MAP3K14: variants seen among roughly 807,000 people sequenced by gnomAD.
MAP3K14 encodes the protein NF-kappa-beta-inducing kinase.
Under a neutral mutation model 99.2 loss-of-function variants are expected in MAP3K14, and 16 were observed. That is an observed-to-expected ratio of 0.16 (90% CI 0.11 to 0.24). The LOEUF (loss-of-function observed/expected upper bound fraction) is 0.24, where lower values mean the gene tolerates loss of function less well. MAP3K14 is among the 10% of genes least tolerant of loss of function. The pLI, the probability that MAP3K14 is intolerant of heterozygous loss-of-function variation, is 1.00. For synonymous variants in MAP3K14, 462 were observed against 492.4 expected (o/e 0.94, Z 0.82); for missense variants, 784 against 1,208.7 (o/e 0.65, Z 5.21).
chr17:45,298,122 T>G (rs752425787), intron 1 of MAP3K14, among the ~76,000 whole-genome samples: 1 of 152,210 alleles, frequency 6.6e-6, no homozygotes, highest in Non-Finnish European at 1.5e-5. Flanking sequence ...CTTGCCTTTT[T>G]GGGGACTTTA....
In MAP3K14 at chr17:45,290,505, T is replaced by C. The variant is rs758311803; in HGVS notation, c.241A>G (p.Ile81Val). The C allele has an allele frequency of 6.2e-7, 1 of 1,613,886 alleles. No homozygotes were observed. Among genetic ancestry groups the C allele is most frequent in the Non-Finnish European group, 8.5e-7 (1 of 1,179,876 alleles). Residue 81 changes from isoleucine (I) to valine (V), a missense_variant, in exon 2 of 16, where the codon ATC (isoleucine) becomes GTC (valine). Transcript: ENST00000344686. Reference sequence around the variant, plus strand: ...AGGCCCCTACACTCAGCCTGGGCGATGATAGAGATGGCAGCTGGCCCTGCC... The same window carrying C: ...AGGCCCCTACACTCAGCCTGGGCGACGATAGAGATGGCAGCTGGCCCTGCC... ...SEAGPAAISI[I>V]AQAECENSQE...
chr17:45,275,760 C>CT (rs369154222), intron 6 of MAP3K14, among the ~76,000 whole-genome samples: 882 of 123,496 alleles, frequency 7.1e-3, no homozygotes, highest in Non-Finnish European at 9.8e-3. Flanking sequence ...CTTTTCTTTT[C>CT]TTTTTTTTTT....
chr17:45,280,062 A>G (rs1480423153), intron 6 of MAP3K14, among the ~76,000 whole-genome samples: 2 of 152,150 alleles, frequency 1.3e-5, no homozygotes, highest in Non-Finnish European at 2.9e-5. Flanking sequence ...GCCCCTGCAC[A>G]TTGTCTGGCA....
At position 45,286,264 on chromosome 17, in the gene MAP3K14, G is replaced by C. The variant is rs146679942; in HGVS notation, c.1152+167C>G. On this transcript the variant is annotated intron_variant, in intron 5 of 15. Coordinates refer to ENST00000344686, the MANE Select transcript of MAP3K14 (RefSeq NM_003954.5). The surrounding 1 kb of genome is among the most constrained non-coding windows in gnomAD (Gnocchi z 4.1). ...CAGAACAGAAGACGCTAAAAAGGCTGTGAGAAGTGAGATTGGCGGAATAAG... is the reference window on the plus strand; with the variant it reads ...CAGAACAGAAGACGCTAAAAAGGCTCTGAGAAGTGAGATTGGCGGAATAAG... Among the ~76,000 whole-genome samples, 2 of 152,286 alleles carry C rather than the reference G, an allele frequency of 1.3e-5. No homozygotes were observed. Among genetic ancestry groups the C allele is most frequent in the African/African-American group, 4.8e-5 (2 of 41,570 alleles).
chr17:45,316,905 C>CA (rs1234966956), intron 1 of MAP3K14, 55 bp downstream of exon 1: 2 of 152,112 alleles, frequency 1.3e-5, no homozygotes, highest in African/African-American at 4.8e-5. Flanking sequence ...CGATCCATCC[C>CA]AGCCGCTCCC....
intron 6 of MAP3K14, among the ~76,000 whole-genome samples, chr17:45,278,618 G>T (rs1010508650): frequency 6.6e-6 from 1 of 152,000 alleles, no homozygotes; most frequent in Non-Finnish European, 1.5e-5. Flanking sequence ...GCTTTTACTC[G>T]GGCAAGCCTG....
At chr17:45,271,323 C>A in intron 9 of MAP3K14, 102 bp from the exon 10 acceptor site, 1 of 987,456 alleles carries the variant, frequency 1.0e-6, no homozygotes, top group Non-Finnish European at 1.5e-6. Flanking sequence ...ACATTTGTCA[C>A]TGTTAAAGTA....
At position 45,267,588 on chromosome 17, in the gene MAP3K14, G is replaced by C. The variant is rs1246398259; in HGVS notation, c.2144C>G (p.Pro715Arg). 7.4e-6 allele frequency: 12 copies of C among 1,613,088 alleles called. No individual in the cohort carries two copies. The highest frequency in any genetic ancestry group is 1.0e-5 in the Non-Finnish European group (12 of 1,179,652). Residue 715 changes from proline (P) to arginine (R), a missense_variant, in exon 12 of 16, where the codon CCT becomes CGT. Physicochemically the swap from Pro to Arg is moderately radical, Grantham distance 103. Around this residue, in one of 5 missense-constraint regions of MAP3K14, gnomAD observed 128 missense variants for 143.3 expected, o/e 0.89. Coordinates refer to ENST00000344686, the MANE Select transcript of MAP3K14 (RefSeq NM_003954.5). The surrounding 1 kb of genome is among the most constrained non-coding windows in gnomAD (Gnocchi z 5.1). ...CTCTGGGGGCTCTGGTGGGAGAGGA[G>C]GCTGGAGCTTAGGGGCTCTGCCTGT... ...ETTGRAPKLQ[P>R]PLPPEPPEPN...
chr17:45,297,432 G>C (rs1172172650), intron 1 of MAP3K14, among the ~76,000 whole-genome samples: 1 of 152,204 alleles, frequency 6.6e-6, no homozygotes, highest in Non-Finnish European at 1.5e-5. Context: ...TTTTAGTTCA[G>C]TTACGCCACT....
chr17:45,274,067 G>A, intron 8 of MAP3K14, 56 bp downstream of exon 8: 3 of 1,586,538 alleles, frequency 1.9e-6, no homozygotes, highest in Non-Finnish European at 2.6e-6. Flanking sequence ...AGATCAGACA[G>A]GATGGTGTGA....
chr17:45,270,784 C>T, intron 10 of MAP3K14: 1 of 764,460 alleles, frequency 1.3e-6, no homozygotes, highest in Non-Finnish European at 2.1e-6. Context: ...ACGCCCACAG[C>T]CTCCAGGCCC....
chr17:45,290,629 G>C lies in MAP3K14; in HGVS notation c.117C>G (p.Val39=). The C allele has an allele frequency of 1.9e-6, 3 of 1,613,676 alleles. No individual in the cohort carries two copies. The highest frequency in any genetic ancestry group is 2.5e-6 in the Non-Finnish European group (3 of 1,179,860). The change falls in exon 2 of 16, where the codon GTC becomes GTG. Residue 39 remains valine, a synonymous_variant. Transcript: ENST00000344686. ...TCTTCTCCACGGCCTCAAGCTTGTAGACGGAGCTCTGTTTCTTCCCCAGTG... is the reference window on the plus strand; with the variant it reads ...TCTTCTCCACGGCCTCAAGCTTGTACACGGAGCTCTGTTTCTTCCCCAGTG... The part of the protein sequence containing the change: ...TPPLGKKQSS[V]YKLEAVEKSP...
chr17:45,285,307 G>A (rs766185796), intron 5 of MAP3K14, among the ~76,000 whole-genome samples: 26 of 152,022 alleles, frequency 1.7e-4, no homozygotes, highest in Non-Finnish European at 2.9e-4. Flanking sequence ...AGTGAAGAGG[G>A]GCGGGGGTCA....
intron 2 of MAP3K14, among the ~76,000 whole-genome samples, chr17:45,289,808 G>A (rs1015182991): frequency 2.6e-5 from 4 of 152,320 alleles, no homozygotes; most frequent in African/African-American, 4.8e-5. Context: ...GGATGTATGC[G>A]TGTGGAGAAA....
rs776212544 is a variant in MAP3K14, at chr17:45,286,501, G to A, written c.1082C>T (p.Ala361Val). ...HSLTSLAKTW[A>V]ARGSRSREPS... is the part of the protein sequence containing the mutation. Reference sequence around the variant, plus strand: ...CTCCCGGGATCTGGAGCCCCTTGCTGCCCAGGTCTTGGCCAGGCTGGTCAG... The same window carrying A: ...CTCCCGGGATCTGGAGCCCCTTGCTACCCAGGTCTTGGCCAGGCTGGTCAG... Residue 361 changes from alanine to valine, a missense_variant, in exon 5 of 16, where the codon GCA (alanine) becomes GTA (valine). Physicochemically the swap from Ala to Val is moderately conservative, Grantham distance 64. This residue lies in a region of MAP3K14 where 138 missense variants were observed against 164.1 expected (regional missense o/e 0.84). Coordinates refer to ENST00000344686, the MANE Select transcript of MAP3K14 (RefSeq NM_003954.5). The surrounding 1 kb of genome is among the most constrained non-coding windows in gnomAD (Gnocchi z 4.1). The A allele has an allele frequency of 3.7e-6, 6 of 1,606,442 alleles. No individual in the cohort carries two copies. The Admixed American group carries it at 1.0e-4, about 27-fold the overall frequency.
rs753572716 is a variant in MAP3K14, at chr17:45,271,081, A to G, written c.1798T>C (p.Phe600Leu). ...LNGCHPWTQF[F>L]RGPLCLKIAS... Reference sequence around the variant, plus strand: ...ACCTTGAGGCAGAGCGGCCCTCGGAAGAACTGAGTCCAGGGGTGGCAGCCG... The same window carrying G: ...ACCTTGAGGCAGAGCGGCCCTCGGAGGAACTGAGTCCAGGGGTGGCAGCCG... The change falls in exon 10 of 16, where the codon TTC becomes CTC. Residue 600 changes from phenylalanine (F) to leucine (L), a missense_variant. By Grantham distance (22) the Phe-to-Leu change is conservative (BLOSUM62 0). Around this residue, in one of 5 missense-constraint regions of MAP3K14, gnomAD observed 200 missense variants for 367.9 expected, o/e 0.54. Coordinates refer to ENST00000344686, the MANE Select transcript of MAP3K14 (RefSeq NM_003954.5). The G allele has an allele frequency of 3.2e-5, 52 of 1,613,024 alleles. No homozygotes were observed. Among genetic ancestry groups the G allele is most frequent in the Non-Finnish European group, 4.0e-5 (47 of 1,179,742 alleles).
In MAP3K14 at chr17:45,267,485, C is replaced by T. The variant is rs2044099898; in HGVS notation, c.2247G>A (p.Glu749=). 6.2e-7 allele frequency: 1 copy of T among 1,612,184 alleles called. No homozygotes were observed. Among genetic ancestry groups the T allele is most frequent in the African/African-American group, 1.3e-5 (1 of 74,920 alleles). The change falls in exon 12 of 16, where the codon GAG becomes GAA. Residue 749 remains glutamate (E), a synonymous_variant. Transcript: ENST00000344686. This position sits in a 1 kb window ranked among gnomAD's most constrained non-coding sequence, Gnocchi z 5.1. ...AGCTGGGGTTTCTGGCAGGGGCTGG[C>T]TCCAGGGAGGACAGAGGTAAGGGTT... is the stretch of plus-strand genomic sequence containing the variant. ...MWEPLPLSSL[E]PAPARNPSSP...
Position 45,267,796 on chromosome 17 carries a change from G to A in MAP3K14, c.1973-37C>T. ...AGAGTACAATGGTGAGGGGAAGCGTGCTGTGCACAGACAGCGGTCCAGGCA... is the reference window on the plus strand; with the variant it reads ...AGAGTACAATGGTGAGGGGAAGCGTACTGTGCACAGACAGCGGTCCAGGCA... On this transcript the variant is annotated intron_variant, in intron 11 of 15. Transcript: ENST00000344686. The surrounding 1 kb of genome is among the most constrained non-coding windows in gnomAD (Gnocchi z 5.1). 1 of 1,559,388 alleles carries A rather than the reference G, an allele frequency of 6.4e-7. No individual in the cohort carries two copies. The highest frequency in any genetic ancestry group is 8.7e-7 in the Non-Finnish European group (1 of 1,148,400).
At chr17:45,307,917 C>T (rs1296398639) in intron 1 of MAP3K14, among the ~76,000 whole-genome samples, 1 of 152,236 alleles carries the variant, frequency 6.6e-6, no homozygotes, top group East Asian at 1.9e-4. Context: ...TTGACCCTGG[C>T]CTCATTTCAG....
Sources: allele counts gnomAD v4.1 joint callset (sites outside exome capture counted in the v4.1 genomes callset), GRCh38; gene constraint gnomAD v4.1.1; regional missense constraint gnomAD v4.1.1; non-coding constraint Gnocchi (gnomAD v3.1); transcripts MANE v1.5; gene names NCBI Gene and HGNC (gene_info 2026-07-23, HGNC 2026-07-21).